The following ZBTB20 variants were observed in gnomAD, a reference collection of about 807,000 sequenced individuals.
ZBTB20 encodes the protein zinc finger and BTB domain containing 20.
ZBTB20 carries 9 observed loss-of-function variants against 56.9 expected under a neutral mutation model. The ratio of observed to expected loss-of-function variants is 0.16; its 90% confidence interval spans 0.10 to 0.28. The LOEUF (loss-of-function observed/expected upper bound fraction) is 0.28. Ranked by LOEUF, ZBTB20 falls within the 10% of genes least tolerant of loss-of-function variation. ZBTB20 has a pLI of 1.00. For synonymous variants in ZBTB20, 417 were observed against 420.7 expected, an observed-to-expected ratio of 0.99 and a Z score of 0.11; for missense variants, 655 against 1,003.0, an observed-to-expected ratio of 0.65 and a Z score of 4.69.
At chr3:114,982,822 G>T (rs2078383716) in intron 2 of ZBTB20, among the ~76,000 whole-genome samples, 2 of 151,136 alleles carry the variant, frequency 1.3e-5, no homozygotes, top group South Asian at 2.1e-4. Context: ...AAAGTCCAAA[G>T]TTTTTTTTTA....
rs1208846556 is a variant in ZBTB20 at position 114,731,797 on chromosome 3, AGATTAGTAACTAATCCGGCTGTG to A, written c.-342-38245_-342-38223del. ...ATTAGTAACTAATCCGGCTGTGCCTAGATTAGTAACTAATCCGGCTGTGCCTAGATTAGTAACTAATCCGGCTG... is the reference window on the plus strand; with the variant it reads ...ATTAGTAACTAATCCGGCTGTGCCTACCTAGATTAGTAACTAATCCGGCTG... On this transcript the variant is annotated intron_variant, in intron 5 of 11. Coordinates refer to ENST00000675478, the MANE Select transcript of ZBTB20 (RefSeq NM_001348800.3). Among the ~76,000 whole-genome samples, 56 of 149,492 alleles carry A rather than the reference AGATTAGTAACTAATCCGGCTGTG, an allele frequency of 3.7e-4. 1 individual carries two copies. The highest frequency in any genetic ancestry group is 1.2e-3 in the African/African-American group (48 of 40,000).
In ZBTB20 at chr3:115,060,883, C is replaced by G. The variant is rs151157527; in HGVS notation, c.-507+10336G>C. Among the ~76,000 whole-genome samples the G allele has an allele frequency of 7.1e-3, 1,073 of 152,170 alleles. 26 individuals carry two copies. The highest frequency in any genetic ancestry group is 0.025 in the African/African-American group (1,030 of 41,526). On this transcript the variant is annotated intron_variant, in intron 2 of 11. Coordinates refer to ENST00000675478, the MANE Select transcript of ZBTB20 (RefSeq NM_001348800.3). ...AATAACACCTTGGTTTCTACATGGT[C>G]ACAAATAATCTATTCAATATTTCAG...
intron 6 of ZBTB20, among the ~76,000 whole-genome samples, chr3:114,587,927 G>A (rs1477759227): frequency 6.6e-6 from 1 of 152,172 alleles, no homozygotes; most frequent in Non-Finnish European, 1.5e-5. Context: ...CTCCAGGCCT[G>A]ACCTATTCCT....
chr3:114,536,628 G>GA (rs1459481909), intron 6 of ZBTB20, among the ~76,000 whole-genome samples: 2 of 151,934 alleles, frequency 1.3e-5, no homozygotes, highest in Admixed American at 1.3e-4. Context: ...CACAGAATTA[G>GA]AAAAAAACAA....
intron 3 of ZBTB20, among the ~76,000 whole-genome samples, chr3:114,911,218 T>G (rs954440964): frequency 1.3e-5 from 2 of 151,696 alleles, no homozygotes; most frequent in Non-Finnish European, 2.9e-5. Flanking sequence ...TTTGAGAGGG[T>G]AGAATCAAGC....
In ZBTB20 at chr3:114,872,043, C is replaced by A. The variant is rs189258341; in HGVS notation, c.-417+28261G>T. Among the ~76,000 whole-genome samples the A allele has an allele frequency of 5.3e-3, 803 of 152,218 alleles. 4 individuals are homozygous for A. The highest frequency in any genetic ancestry group is 0.014 in the Middle Eastern group (4 of 294). ...CCCGCCAGGAAAAAAAGAATAAGTA[C>A]CCTTTTTAAATAAGCAAACTCAAAT... On this transcript the variant is annotated intron_variant, in intron 4 of 11. Coordinates refer to ENST00000675478, the MANE Select transcript of ZBTB20 (RefSeq NM_001348800.3).
At chr3:114,905,393 T>A (rs1025814881) in intron 3 of ZBTB20, among the ~76,000 whole-genome samples, 6 of 151,904 alleles carry the variant, frequency 3.9e-5, no homozygotes, top group Non-Finnish European at 7.4e-5. Flanking sequence ...TCCTCCAGAA[T>A]CTGATATCCT....
intron 7 of ZBTB20, among the ~76,000 whole-genome samples, chr3:114,414,436 G>A (rs138375626): frequency 1.0e-3 from 156 of 152,174 alleles, no homozygotes; most frequent in African/African-American, 3.4e-3. Context: ...TACTTTCCCA[G>A]ACTCTAATTT....
intron 1 of ZBTB20, among the ~76,000 whole-genome samples, chr3:115,084,755 G>C (rs1343876575): frequency 6.6e-6 from 1 of 151,910 alleles, no homozygotes; most frequent in Non-Finnish European, 1.5e-5. Context: ...ACTGACATAT[G>C]ACCAAGACCG....
intron 5 of ZBTB20, among the ~76,000 whole-genome samples, chr3:114,702,032 T>C (rs1461972174): frequency 6.6e-6 from 1 of 152,110 alleles, no homozygotes; most frequent in African/African-American, 2.4e-5. Flanking sequence ...TAAAACATAA[T>C]GCATAAAAAA....
chr3:115,100,698 G>T (rs562569557), intron 1 of ZBTB20: 74 of 152,242 alleles, frequency 4.9e-4, no homozygotes, highest in African/African-American at 1.7e-3. Flanking sequence ...TTCAGTTCTG[G>T]CAGTACATGT....
chr3:115,046,524 C>G (rs2081339786), intron 2 of ZBTB20, among the ~76,000 whole-genome samples: 1 of 152,066 alleles, frequency 6.6e-6, no homozygotes. Context: ...ATCTTGTCCT[C>G]AACTAAAAAT....
intron 5 of ZBTB20, among the ~76,000 whole-genome samples, chr3:114,787,331 T>TTATATATATATATATATATA (rs138181405): frequency 9.9e-6 from 1 of 100,602 alleles, no homozygotes; most frequent in Non-Finnish European, 1.8e-5. Context: ...TCTTAAAAGG[T>TTATATATATATATATATATA]TATATATATA....
chr3:114,971,701 G>C (rs1360938596), intron 3 of ZBTB20, among the ~76,000 whole-genome samples: 2 of 152,214 alleles, frequency 1.3e-5, no homozygotes, highest in African/African-American at 4.8e-5. Flanking sequence ...GCACATAAAT[G>C]CAGGTACAGA....
At chr3:114,870,234 A>C (rs1348435335) in intron 4 of ZBTB20, among the ~76,000 whole-genome samples, 1 of 152,086 alleles carries the variant, frequency 6.6e-6, no homozygotes, top group Non-Finnish European at 1.5e-5. Flanking sequence ...TCCAGAAAAT[A>C]ATAATGTCTG....
chr3:114,480,477 G>T (rs1372333719), intron 7 of ZBTB20, among the ~76,000 whole-genome samples: 1 of 152,166 alleles, frequency 6.6e-6, no homozygotes, highest in Non-Finnish European at 1.5e-5. Flanking sequence ...CTTTATGAAT[G>T]TCCTATTAAG....
chr3:114,777,720 T>C (rs1045936171), intron 5 of ZBTB20, among the ~76,000 whole-genome samples: 1 of 152,128 alleles, frequency 6.6e-6, no homozygotes, highest in Admixed American at 6.6e-5. Flanking sequence ...AGAAATACCA[T>C]TTGACTCAAC....
chr3:114,405,608 A>G (rs1367993198), intron 7 of ZBTB20, among the ~76,000 whole-genome samples: 2 of 152,178 alleles, frequency 1.3e-5, no homozygotes, highest in African/African-American at 4.8e-5. Context: ...AAACATATAT[A>G]TTTGTATGAT....
chr3:114,344,159 C>G (rs1436815454), intron 11 of ZBTB20, among the ~76,000 whole-genome samples: 3 of 152,200 alleles, frequency 2.0e-5, no homozygotes, highest in Non-Finnish European at 4.4e-5. Context: ...GACTGTGAGG[C>G]TAAGAGGGAC....
Sources: gnomAD v4.1 joint callset for allele counts (sites outside exome capture counted in the v4.1 genomes callset) on GRCh38, gnomAD v4.1.1 for gene constraint, MANE v1.5 for transcripts, NCBI Gene and HGNC (gene_info 2026-07-23, HGNC 2026-07-21) for gene names.